Variants in CABIN1 observed in about 807,000 individuals in gnomAD.
The protein encoded by CABIN1 is calcineurin-binding protein cabin-1.
In CABIN1, 133 loss-of-function variants were observed where a neutral mutation model predicts 227.7. That is an observed-to-expected ratio of 0.58 (90% CI 0.51 to 0.67). The LOEUF is 0.67. CABIN1 is among the 30% of genes least tolerant of loss of function. The pLI, the probability that CABIN1 is intolerant of heterozygous loss-of-function variation, is 0.00. For synonymous variants in CABIN1, 1,086 were observed against 1,155.1 expected (o/e 0.94, Z 1.21); for missense variants, 2,408 against 2,852.5 (o/e 0.84, Z 3.55).
chr22:24,104,907 A>G (rs2042424843), intron 26 of CABIN1, among the ~76,000 whole-genome samples: 1 of 152,208 alleles, frequency 6.6e-6, no homozygotes, highest in East Asian at 1.9e-4. Context: ...GCACAAGCAT[A>G]CATCTTCTTC....
At chr22:24,017,772 A>T (rs2146480514) in intron 1 of CABIN1, among the ~76,000 whole-genome samples, 1 of 150,964 alleles carries the variant, frequency 6.6e-6, no homozygotes, top group South Asian at 2.1e-4. Context: ...TGTCATGAAC[A>T]GTTGGGTTGC....
rs1249389572 is a variant in CABIN1, at chr22:24,167,068, C to T, written c.5437C>T (p.Leu1813Phe). 2 of 1,545,174 alleles carry T rather than the reference C, an allele frequency of 1.3e-6. No individual in the cohort carries two copies. The highest frequency in any genetic ancestry group is 1.2e-5 in the South Asian group (1 of 83,818). ...SISARQQPTP[L>F]TPAQPAPAPA... ...CAGTGCCCGGCAGCAGCCCACCCCGCTCACCCCAGCCCAGCCAGCCCCCGC... is the reference window on the plus strand; with the variant it reads ...CAGTGCCCGGCAGCAGCCCACCCCGTTCACCCCAGCCCAGCCAGCCCCCGC... Residue 1813 changes from leucine to phenylalanine, a missense_variant, in exon 32 of 37, where the codon CTC becomes TTC. By Grantham distance (22) the Leu-to-Phe change is conservative. Coordinates refer to ENST00000263119, the MANE Select transcript of CABIN1 (RefSeq NM_012295.4).
At position 24,119,716 on chromosome 22, in the gene CABIN1, C is replaced by T. The variant is rs2043288448; in HGVS notation, c.4632+18C>T. On this transcript the variant is annotated intron_variant, in intron 28 of 36. Coordinates refer to ENST00000263119, the MANE Select transcript of CABIN1 (RefSeq NM_012295.4). The stretch of plus-strand genomic sequence containing the variant: ...CCCACCGGGTGAGTGGCTGCCGGGC[C>T]AAGGGGGCTTGGATCTTCCCAGGGC... 1.2e-6 allele frequency: 2 copies of T among 1,610,344 alleles called. No homozygotes were observed. The highest frequency in any genetic ancestry group is 1.7e-6 in the Non-Finnish European group (2 of 1,176,942).
chr22:24,164,492 G>A lies in CABIN1; in HGVS notation c.4839G>A (p.Leu1613=), dbSNP rs2046336848. The A allele has an allele frequency of 1.2e-6, 2 of 1,606,394 alleles. No homozygotes were observed. Among genetic ancestry groups the A allele is most frequent in the Non-Finnish European group, 8.5e-7 (1 of 1,179,972 alleles). ...NRSIVLLLKV[L]AQLRDHSTLL... ...CCATCGTGCTGCTGCTCAAGGTGCT[G>A]GCCCAGCTGCGGGACCACAGCACCC... Residue 1613 remains leucine (L), a synonymous_variant, in exon 30 of 37, where the codon CTG becomes CTA. Transcript: ENST00000263119.
At chr22:24,081,765 G>T (rs559501863) in intron 19 of CABIN1, among the ~76,000 whole-genome samples, 1 of 151,524 alleles carries the variant, frequency 6.6e-6, no homozygotes, top group South Asian at 2.1e-4. Context: ...AGTGGCTCAC[G>T]CCTGTAATCC....
At chr22:24,059,192 G>A (rs773048802) in intron 10 of CABIN1, 35 bp from the exon 11 acceptor site, 5 of 1,613,808 alleles carry the variant, frequency 3.1e-6, no homozygotes, top group Non-Finnish European at 4.2e-6. Flanking sequence ...CAGAACGTGT[G>A]TTGTGACTTT....
At position 24,060,124 on chromosome 22, in the gene CABIN1, AG is replaced by A. The variant is rs1259547078; in HGVS notation, c.1601del (p.Ser534ThrfsTer8). ...GCCCAACCCGCTGCTGAGGGACTGC[AG>A]CAACAAGCACATCAAGGTTAGGGGG... ...SLPNPLLRDC[S>X]NKHIKDMMLM... On this transcript the variant is annotated frameshift_variant, in exon 12 of 37. Coordinates refer to ENST00000263119, the MANE Select transcript of CABIN1 (RefSeq NM_012295.4). LOFTEE classifies it high-confidence loss of function. 6.8e-6 allele frequency: 11 copies of A among 1,613,728 alleles called. No homozygotes were observed. The highest frequency in any genetic ancestry group is 8.5e-6 in the Non-Finnish European group (10 of 1,179,996).
intron 1 of CABIN1, among the ~76,000 whole-genome samples, chr22:24,025,224 A>G (rs914561917): frequency 1.3e-5 from 2 of 152,118 alleles, no homozygotes; most frequent in South Asian, 2.1e-4. Context: ...TTTTCAAACT[A>G]TTTTTGCAAA....
chr22:24,112,902 C>A (rs527561687), intron 26 of CABIN1, among the ~76,000 whole-genome samples: 9 of 152,124 alleles, frequency 5.9e-5, no homozygotes, highest in Non-Finnish European at 1.3e-4. Context: ...ATCAACTACT[C>A]CTCCCCTCCA....
chr22:24,158,004 G>A (rs1373528983), intron 29 of CABIN1, among the ~76,000 whole-genome samples: 1 of 152,194 alleles, frequency 6.6e-6, no homozygotes, highest in East Asian at 1.9e-4. Context: ...TTGGGAATGG[G>A]ATGCCAACAG....
intron 13 of CABIN1, 152 bp downstream of exon 13, chr22:24,062,177 C>G (rs987003640): frequency 8.6e-6 from 6 of 700,968 alleles, no homozygotes; most frequent in Admixed American, 4.1e-5. Flanking sequence ...CCAGGGAAAT[C>G]TCCTGGATAC....
chr22:24,178,265 C>T lies in CABIN1; in HGVS notation c.*69C>T. 6.3e-7 allele frequency: 1 copy of T among 1,592,938 alleles called. No homozygotes were observed. Among genetic ancestry groups the T allele is most frequent in the Non-Finnish European group, 8.6e-7 (1 of 1,168,330 alleles). ...GGCCTGGAATGCCCCCTGGGCAGGA[C>T]CCTGGGCAGGACCAGAGGCCCACAT... On this transcript the variant is annotated 3_prime_UTR_variant, in exon 37 of 37. Coordinates refer to ENST00000263119, the MANE Select transcript of CABIN1 (RefSeq NM_012295.4).
At chr22:24,022,246 C>T (rs1409306480) in intron 1 of CABIN1, among the ~76,000 whole-genome samples, 3 of 152,142 alleles carry the variant, frequency 2.0e-5, no homozygotes, top group Non-Finnish European at 4.4e-5. Flanking sequence ...AAGGAACAGT[C>T]CATTGCTTAT....
intron 6 of CABIN1, among the ~76,000 whole-genome samples, chr22:24,045,628 T>A (rs9624390): frequency 0.016 from 2,446 of 152,112 alleles, 79 homozygotes; most frequent in African/African-American, 0.056. Context: ...AAAATTTGTT[T>A]CCACATATTT....
chr22:24,038,980 G>T (rs1263553871), intron 4 of CABIN1, among the ~76,000 whole-genome samples: 1 of 152,218 alleles, frequency 6.6e-6, no homozygotes, highest in South Asian at 2.1e-4. Flanking sequence ...GGGGACACTG[G>T]TTACAGTAGA....
At chr22:24,136,517 T>G (rs1216972026) in intron 29 of CABIN1, among the ~76,000 whole-genome samples, 3 of 140,714 alleles carry the variant, frequency 2.1e-5, no homozygotes, top group East Asian at 2.1e-4. Flanking sequence ...GCCCAGCTAA[T>G]TTTTGTATTT....
At chr22:24,120,198 G>GCCTCACCATA (rs1315171026) in intron 28 of CABIN1, among the ~76,000 whole-genome samples, 1 of 152,166 alleles carries the variant, frequency 6.6e-6, no homozygotes, top group Non-Finnish European at 1.5e-5. Context: ...CTGCCCCTGG[G>GCCTCACCATA]CTCTTGTCGC....
At chr22:24,013,971 T>C (rs932278034) in intron 1 of CABIN1, among the ~76,000 whole-genome samples, 3 of 152,228 alleles carry the variant, frequency 2.0e-5, no homozygotes, top group African/African-American at 4.8e-5. Context: ...GTCCAAGATA[T>C]TGGAATGTCT....
At chr22:24,149,598 G>T (rs1218659436) in intron 29 of CABIN1, among the ~76,000 whole-genome samples, 1 of 152,232 alleles carries the variant, frequency 6.6e-6, no homozygotes, top group African/African-American at 2.4e-5. Flanking sequence ...TTGAAATGCT[G>T]ATCTCTAAAT....
Sources: allele counts gnomAD v4.1 joint callset (sites outside exome capture counted in the v4.1 genomes callset), GRCh38; gene constraint gnomAD v4.1.1; transcripts MANE v1.5; gene names NCBI Gene and HGNC (gene_info 2026-07-23, HGNC 2026-07-21).